The following USP32 variants were observed in gnomAD, a reference collection of about 807,000 sequenced individuals.
The protein encoded by USP32 is ubiquitin carboxyl-terminal hydrolase 32.
A neutral mutation model predicts 204.8 loss-of-function variants in USP32; 59 were observed. The observed-to-expected ratio is 0.29, with a 90% CI of 0.23 to 0.36. USP32 has a LOEUF of 0.36. Ranked by LOEUF, USP32 falls within the 10% of genes least tolerant of loss-of-function variation. USP32 has a pLI of 1.00. For missense variants in USP32, 1,160 were observed against 1,946.4 expected, an observed-to-expected ratio of 0.60 and a Z score of 7.60; for synonymous variants, 517 against 678.4, an observed-to-expected ratio of 0.76 and a Z score of 3.70.
At chr17:60,233,409 A>G (rs1453508348) in intron 12 of USP32, among the ~76,000 whole-genome samples, 1 of 152,136 alleles carries the variant, frequency 6.6e-6, no homozygotes, top group Admixed American at 6.5e-5. Context: ...GTAGTGAGCT[A>G]TGATTGTGCC....
intron 21 of USP32, among the ~76,000 whole-genome samples, chr17:60,210,081 A>G (rs1458058844): frequency 6.6e-6 from 1 of 152,096 alleles, no homozygotes; most frequent in Non-Finnish European, 1.5e-5. Flanking sequence ...AAATTTTATT[A>G]ACTGCATTAT....
chr17:60,313,572 A>C (rs1426500296), intron 2 of USP32, among the ~76,000 whole-genome samples: 1 of 152,100 alleles, frequency 6.6e-6, no homozygotes, highest in Non-Finnish European at 1.5e-5. Flanking sequence ...ACATATACTG[A>C]GGAAACAACT....
intron 9 of USP32, among the ~76,000 whole-genome samples, chr17:60,256,271 TTTCAAAAAAGTTCACA>T (rs2086301847): frequency 6.6e-6 from 1 of 152,148 alleles, no homozygotes. Flanking sequence ...ATTTTTGTTT[TTTCAAAAAAGTTCACA>T]TTCAAAAAGT....
At chr17:60,221,817 C>G (rs564837282) in intron 15 of USP32, among the ~76,000 whole-genome samples, 1 of 152,106 alleles carries the variant, frequency 6.6e-6, no homozygotes, top group Non-Finnish European at 1.5e-5. Flanking sequence ...AAAACAAATC[C>G]CACCAAAACA....
chr17:60,385,125 G>C (rs1341580332), intron 1 of USP32, among the ~76,000 whole-genome samples: 1 of 152,132 alleles, frequency 6.6e-6, no homozygotes, highest in Non-Finnish European at 1.5e-5. Flanking sequence ...ATTTATTCCT[G>C]TCCCACCTTA....
intron 2 of USP32, among the ~76,000 whole-genome samples, chr17:60,314,317 A>G (rs2087924433): frequency 6.6e-6 from 1 of 151,088 alleles, no homozygotes; most frequent in African/African-American, 2.4e-5. Context: ...AATTTTGAGT[A>G]TTTTCTGTAA....
intron 26 of USP32, among the ~76,000 whole-genome samples, chr17:60,201,925 G>A (rs1467743676): frequency 6.6e-6 from 1 of 152,158 alleles, no homozygotes; most frequent in Non-Finnish European, 1.5e-5. Flanking sequence ...TCAAAGTGCT[G>A]GGATTATAGG....
At chr17:60,412,256 C>T (rs1057495293) in intron 1 of USP32, among the ~76,000 whole-genome samples, 16 of 152,140 alleles carry the variant, frequency 1.1e-4, no homozygotes, top group Non-Finnish European at 1.8e-4. Context: ...ATAATCCCAG[C>T]ACTTTGGGAG....
At chr17:60,378,389 G>A (rs1159853979) in intron 1 of USP32, among the ~76,000 whole-genome samples, 1 of 152,136 alleles carries the variant, frequency 6.6e-6, no homozygotes, top group Non-Finnish European at 1.5e-5. Flanking sequence ...CAGTTTAGCT[G>A]TTCCTTAAAG....
At chr17:60,315,272 C>T (rs1175436523) in intron 2 of USP32, among the ~76,000 whole-genome samples, 6 of 152,040 alleles carry the variant, frequency 3.9e-5, no homozygotes, top group Admixed American at 2.0e-4. Context: ...TGGCGGTGTG[C>T]GCCTGTAGTC....
At chr17:60,288,455 C>T (rs2087179876) in intron 5 of USP32, 68 bp downstream of exon 5, 3 of 1,498,400 alleles carry the variant, frequency 2.0e-6, no homozygotes, top group South Asian at 2.6e-5. Flanking sequence ...TAAGCATATT[C>T]TCATATTACC....
intron 1 of USP32, among the ~76,000 whole-genome samples, chr17:60,375,797 GAGGT>G (rs1404099212): frequency 1.3e-5 from 2 of 152,012 alleles, no homozygotes; most frequent in Non-Finnish European, 2.9e-5. Flanking sequence ...TAGTAGAGAC[GAGGT>G]TTCACCATGT....
intron 1 of USP32, among the ~76,000 whole-genome samples, chr17:60,378,285 C>A (rs1163830686): frequency 6.6e-6 from 1 of 151,850 alleles, no homozygotes; most frequent in Non-Finnish European, 1.5e-5. Flanking sequence ...TGAAAGAAAA[C>A]AAAATAACAA....
At chr17:60,182,208 T>G (rs2084129492) in intron 31 of USP32, among the ~76,000 whole-genome samples, 1 of 152,232 alleles carries the variant, frequency 6.6e-6, no homozygotes, top group Non-Finnish European at 1.5e-5. Flanking sequence ...GGCTTTAAAC[T>G]TTTTGGTTAT....
At chr17:60,380,323 T>C (rs975987088) in intron 1 of USP32, among the ~76,000 whole-genome samples, 4 of 152,072 alleles carry the variant, frequency 2.6e-5, no homozygotes, top group African/African-American at 9.7e-5. Flanking sequence ...TCCCAACACT[T>C]TGGGAGGCTG....
At chr17:60,223,974 T>C (rs1438485778) in intron 13 of USP32, among the ~76,000 whole-genome samples, 1 of 152,192 alleles carries the variant, frequency 6.6e-6, no homozygotes, top group Non-Finnish European at 1.5e-5. Flanking sequence ...ATAATGGTGA[T>C]ATGAAGTCAC....
At chr17:60,204,380 T>G (rs2084768908) in intron 26 of USP32, among the ~76,000 whole-genome samples, 1 of 152,120 alleles carries the variant, frequency 6.6e-6, no homozygotes, top group African/African-American at 2.4e-5. Context: ...GGAGTGGTTA[T>G]TTACAGGTGT....
Position 60,181,552 on chromosome 17 carries a change from C to A in USP32, c.4320G>T (p.Glu1440Asp), listed in dbSNP as rs756280393. 1.3e-5 allele frequency: 21 copies of A among 1,614,046 alleles called. No individual in the cohort carries two copies. The highest frequency in any genetic ancestry group is 1.7e-5 in the Non-Finnish European group (20 of 1,179,880). Residue 1440 changes from glutamate to aspartate, a missense_variant, in exon 32 of 34, where the codon GAG (glutamate) becomes GAT (aspartate). By Grantham distance (45) the Glu-to-Asp change is conservative (BLOSUM62 2). Transcript: ENST00000300896. ...GCCCTCGACTCAAGGCGTCAGCCAG[C>A]TCACATATCTGCCCAGCCCCATTTT... ...SKENGAGQIC[E>D]LADALSRGHV...
intron 4 of USP32, among the ~76,000 whole-genome samples, chr17:60,294,071 C>CT (rs1433686264): frequency 2.0e-5 from 3 of 152,106 alleles, no homozygotes; most frequent in Non-Finnish European, 4.4e-5. Context: ...GAAAAAATGA[C>CT]TTTCCCCACC....
Sources: gnomAD v4.1 joint callset for allele counts (sites outside exome capture counted in the v4.1 genomes callset) on GRCh38, gnomAD v4.1.1 for gene constraint, MANE v1.5 for transcripts, NCBI Gene and HGNC (gene_info 2026-07-23, HGNC 2026-07-21) for gene names.